Variants in INVS observed in about 807,000 individuals in gnomAD.
The protein encoded by INVS is inversin.
A neutral mutation model predicts 108.8 loss-of-function variants in INVS; 86 were observed. The ratio of observed to expected loss-of-function variants is 0.79; its 90% CI spans 0.66 to 0.95. The LOEUF (loss-of-function observed/expected upper bound fraction) is 0.95. INVS is among the 40% of genes least tolerant of loss of function. INVS has a pLI of 0.00. For missense variants in INVS, 1,169 were observed against 1,297.4 expected (o/e 0.90, Z 1.52); for synonymous variants, 455 against 473.5 (o/e 0.96, Z 0.51).
intron 3 of INVS, among the ~76,000 whole-genome samples, chr9:100,140,347 A>AG (rs1248624403): frequency 1.3e-5 from 2 of 151,922 alleles, no homozygotes; most frequent in East Asian, 1.9e-4. Flanking sequence ...TTACAGTCAA[A>AG]GGGGGGTTGT....
At chr9:100,221,424 T>C (rs1036024528) in intron 3 of INVS, among the ~76,000 whole-genome samples, 3 of 151,978 alleles carry the variant, frequency 2.0e-5, no homozygotes, top group African/African-American at 7.3e-5. Flanking sequence ...CACTCCGGCC[T>C]CCCAGAGTGC....
chr9:100,298,136 T>G, intron 16 of INVS, 126 bp downstream of exon 16: 1 of 1,560,146 alleles, frequency 6.4e-7, no homozygotes, highest in South Asian at 1.2e-5. Context: ...TCATTTGATT[T>G]CATGGGATTA....
At chr9:100,130,726 T>G (rs1216414204) in intron 3 of INVS, 3 of 152,166 alleles carry the variant, frequency 2.0e-5, no homozygotes, top group Non-Finnish European at 2.9e-5. Context: ...TCATGAACAC[T>G]CATGTATATG....
chr9:100,226,046 CTT>C lies in INVS; in HGVS notation c.274-15_274-14del, dbSNP rs61147858. On this transcript the variant is annotated splice_polypyrimidine_tract_variant and intron_variant, in intron 3 of 16. Transcript: ENST00000262457. ...ATAGTACATTTTTTTCTTATCATCT[CTT>C]GTTTTTTATTTAGGGAAATTATCGT... 179,909 of 1,598,052 alleles carry C rather than the reference CTT, an allele frequency of 0.11. 13,730 individuals are homozygous for C. Among genetic ancestry groups the C allele is most frequent in the African/African-American group, 0.39 (28,683 of 74,420 alleles).
chr9:100,229,906 A>G lies in INVS; in HGVS notation c.615+79A>G, dbSNP rs187059780. The G allele has an allele frequency of 7.3e-6, 10 of 1,367,738 alleles. No individual in the cohort carries two copies. The East Asian group carries it at 2.3e-4, about 31-fold the overall frequency. 84.7% of individuals were successfully genotyped at this position (1,367,738 alleles called of 1,614,324 possible). On this transcript the variant is annotated intron_variant, in intron 5 of 16. Coordinates refer to ENST00000262457, the MANE Select transcript of INVS (RefSeq NM_014425.5). ...AATTATTTAATATATACAAAAGTGT[A>G]TATTTGACGTACAAGCAAATTATTA...
At chr9:100,157,056 T>G (rs1036689287) in intron 3 of INVS, among the ~76,000 whole-genome samples, 4 of 151,536 alleles carry the variant, frequency 2.6e-5, no homozygotes, top group Admixed American at 1.3e-4. Context: ...AGTGGAATAC[T>G]TTTTAGCCAC....
intron 3 of INVS, among the ~76,000 whole-genome samples, chr9:100,219,899 T>A (rs541193387): frequency 1.3e-4 from 20 of 152,116 alleles, no homozygotes; most frequent in Non-Finnish European, 2.4e-4. Flanking sequence ...TATATATATA[T>A]GTTTGTATGA....
chr9:100,234,281 G>C (rs1358960040), intron 5 of INVS, among the ~76,000 whole-genome samples: 2 of 151,974 alleles, frequency 1.3e-5, no homozygotes, highest in South Asian at 4.1e-4. Context: ...AGTCTGGCTA[G>C]TGGTCTATTT....
At chr9:100,127,335 A>G (rs563061331) in intron 3 of INVS, among the ~76,000 whole-genome samples, 1 of 152,320 alleles carries the variant, frequency 6.6e-6, no homozygotes, top group South Asian at 2.1e-4. Context: ...TGTTGCCAAT[A>G]TTAATGATTT....
At chr9:100,232,408 T>C (rs988370932) in intron 5 of INVS, among the ~76,000 whole-genome samples, 2 of 152,226 alleles carry the variant, frequency 1.3e-5, no homozygotes, top group African/African-American at 4.8e-5. Flanking sequence ...TTTGGTGTTT[T>C]AGTCATGAAG....
At chr9:100,143,609 G>A (rs1317900087) in intron 3 of INVS, among the ~76,000 whole-genome samples, 1 of 152,068 alleles carries the variant, frequency 6.6e-6, no homozygotes, top group African/African-American at 2.4e-5. Flanking sequence ...GCGATGAGGT[G>A]TGGCTGTAGC....
chr9:100,139,405 A>G (rs1329637699), intron 3 of INVS, among the ~76,000 whole-genome samples: 1 of 152,154 alleles, frequency 6.6e-6, no homozygotes, highest in African/African-American at 2.4e-5. Context: ...CAGAGGTCTC[A>G]TCTACTTCTA....
In INVS at chr9:100,133,346, G is replaced by A. The variant is rs549047962; in HGVS notation, c.273+6797G>A. ...GTTTCTACCTTTACTTTATGTGTGT[G>A]TGTGTGTGTGTGTGTGTACATGTGC... On this transcript the variant is annotated intron_variant, in intron 3 of 16. Transcript: ENST00000262457. Among the ~76,000 whole-genome samples, 4 of 152,086 alleles carry A rather than the reference G, an allele frequency of 2.6e-5. No homozygotes were observed. In the East Asian group the frequency reaches 7.7e-4, roughly 29 times the overall value.
chr9:100,175,016 G>A (rs1829665422), intron 3 of INVS, among the ~76,000 whole-genome samples: 1 of 152,190 alleles, frequency 6.6e-6, no homozygotes, highest in Admixed American at 6.6e-5. Flanking sequence ...TGAGCTGGTT[G>A]CCTTCTGTTA....
At chr9:100,224,486 C>T (rs1831245528) in intron 3 of INVS, among the ~76,000 whole-genome samples, 1 of 152,132 alleles carries the variant, frequency 6.6e-6, no homozygotes, top group South Asian at 2.1e-4. Flanking sequence ...GGAAATAGAT[C>T]TGAGAAAAGA....
chr9:100,152,329 C>T (rs201185735), intron 3 of INVS, among the ~76,000 whole-genome samples: 16 of 152,030 alleles, frequency 1.1e-4, no homozygotes, highest in South Asian at 8.3e-4. Context: ...ATTCTTGAGT[C>T]GGCCATTCAG....
intron 4 of INVS, among the ~76,000 whole-genome samples, chr9:100,228,882 C>A (rs1313318355): frequency 2.0e-5 from 3 of 152,224 alleles, no homozygotes; most frequent in Non-Finnish European, 4.4e-5. Context: ...CCAACACCTC[C>A]AATGGACACT....
At chr9:100,100,593 TATGTAC>T (rs1826804445) in intron 1 of INVS, among the ~76,000 whole-genome samples, 1 of 96,762 alleles carries the variant, frequency 1.0e-5, no homozygotes, top group African/African-American at 4.3e-5. Flanking sequence ...ATATATAATA[TATGTAC>T]ATATAATATA....
chr9:100,198,834 G>A lies in INVS; in HGVS notation c.274-27228G>A, dbSNP rs1312865311. 4.6e-5 allele frequency among the ~76,000 whole-genome samples: 7 copies of A among 151,612 alleles called. No homozygotes were observed. In the East Asian group the frequency reaches 9.6e-4, roughly 21 times the overall value. On this transcript the variant is annotated intron_variant, in intron 3 of 16. Coordinates refer to ENST00000262457, the MANE Select transcript of INVS (RefSeq NM_014425.5). ...TCTCAATCTCCTGAACTCATGATCC[G>A]CCTGCCTCAGCCTCCCAAAGTGCTG...
Sources: gnomAD v4.1 joint callset for allele counts (sites outside exome capture counted in the v4.1 genomes callset) on GRCh38, gnomAD v4.1.1 for gene constraint, MANE v1.5 for transcripts, NCBI Gene and HGNC (gene_info 2026-07-23, HGNC 2026-07-21) for gene names.